The following UTY variants were observed in gnomAD, a reference collection of about 807,000 sequenced individuals.
UTY encodes ubiquitously transcribed tetratricopeptide repeat containing, Y-linked, also known as histone demethylase UTY.
UTY carries 12 observed loss-of-function variants against 32.5 expected under a neutral mutation model. That is an observed-to-expected ratio of 0.37 (90% CI 0.24 to 0.60). UTY has a LOEUF of 0.60. Among genes scored for constraint, UTY ranks in the 20% least tolerant of loss-of-function variants. UTY has a pLI of 0.69. For synonymous variants in UTY, 131 were observed against 103.4 expected, an observed-to-expected ratio of 1.27 and a Z score of -1.62; for missense variants, 303 against 299.2, an observed-to-expected ratio of 1.01 and a Z score of -0.09.
chrY:13,448,968 T>C, intron 4 of UTY, 49 bp downstream of exon 4: 1 of 312,718 alleles, frequency 3.2e-6, no homozygotes, highest in Non-Finnish European at 4.7e-6. Flanking sequence ...ATTTTGAGTA[T>C]GATCTGCCAT....
chrY:13,377,884 T>C, intron 8 of UTY, among the ~76,000 whole-genome samples: 1 of 33,450 alleles, frequency 3.0e-5, no homozygotes, highest in Non-Finnish European at 7.4e-5. Context: ...TAAAAATGTA[T>C]GTCAGGAACA....
chrY:13,279,825 G>A (rs2056906514), intron 27 of UTY, among the ~76,000 whole-genome samples: 2 of 33,225 alleles, frequency 6.0e-5, no homozygotes, highest in South Asian at 1.3e-3. Context: ...ACAACTGTAT[G>A]TAACATAACA....
At chrY:13,348,724 G>T (rs2062129191) in intron 17 of UTY, among the ~76,000 whole-genome samples, 4 of 33,932 alleles carry the variant, frequency 1.2e-4, no homozygotes, top group African/African-American at 2.3e-4. Context: ...TCCAGTGAAA[G>T]AATTAAGACA....
intron 15 of UTY, 121 bp downstream of exon 15, chrY:13,357,756 G>A: frequency 5.8e-6 from 1 of 172,309 alleles, no homozygotes; most frequent in South Asian, 4.6e-5. Flanking sequence ...GGAAAATGTG[G>A]GCTCGTTTTA....
chrY:13,272,603 G>A (rs2056376320), intron 27 of UTY, among the ~76,000 whole-genome samples: 1 of 33,844 alleles, frequency 3.0e-5, no homozygotes, highest in Non-Finnish European at 7.3e-5. Flanking sequence ...CATAACGAAC[G>A]AAAGTACATT....
At chrY:13,457,852 TA>T (rs2076897233) in intron 3 of UTY, among the ~76,000 whole-genome samples, 1 of 33,498 alleles carries the variant, frequency 3.0e-5, no homozygotes. Context: ...TCCTGAGTAC[TA>T]TTAACATCAT....
At chrY:13,448,455 C>T (rs2076085040) in intron 4 of UTY, among the ~76,000 whole-genome samples, 1 of 32,655 alleles carries the variant, frequency 3.1e-5, no homozygotes, top group Non-Finnish European at 7.5e-5. Context: ...TGGATTCCAT[C>T]AAAATTCGTC....
At chrY:13,442,119 G>T in intron 4 of UTY, among the ~76,000 whole-genome samples, 1 of 33,726 alleles carries the variant, frequency 3.0e-5, no homozygotes, top group Admixed American at 2.7e-4. Context: ...TTTATTAGAT[G>T]TACTATCTAC....
At chrY:13,294,018 C>A in intron 27 of UTY, among the ~76,000 whole-genome samples, 1 of 33,442 alleles carries the variant, frequency 3.0e-5, no homozygotes, top group Non-Finnish European at 7.4e-5. Flanking sequence ...CCACAGTAAT[C>A]CACAAATTCA....
At chrY:13,257,539 A>T (rs915647547) in intron 28 of UTY, among the ~76,000 whole-genome samples, 1 of 33,957 alleles carries the variant, frequency 2.9e-5, no homozygotes, top group Non-Finnish European at 7.3e-5. Flanking sequence ...TGTTATCAGC[A>T]GCTGAACAGC....
At chrY:13,347,404 C>G (rs1603427423) in intron 17 of UTY, among the ~76,000 whole-genome samples, 1 of 33,024 alleles carries the variant, frequency 3.0e-5, no homozygotes, top group Admixed American at 2.8e-4. Flanking sequence ...TCCCACCTCA[C>G]GTAGTTCTCG....
At chrY:13,311,897 G>A (rs2059123537) in intron 21 of UTY, among the ~76,000 whole-genome samples, 1 of 33,480 alleles carries the variant, frequency 3.0e-5, no homozygotes, top group Non-Finnish European at 7.4e-5. Flanking sequence ...TGGAGCTTCA[G>A]CACAGCAAAA....
chrY:13,258,806 C>T, intron 28 of UTY, among the ~76,000 whole-genome samples: 1 of 33,962 alleles, frequency 2.9e-5, no homozygotes, highest in African/African-American at 1.1e-4. Context: ...CTCACTGTGA[C>T]AAAGCTGCCC....
At chrY:13,416,921 C>A (rs2071758870) in intron 4 of UTY, among the ~76,000 whole-genome samples, 1 of 33,606 alleles carries the variant, frequency 3.0e-5, no homozygotes, top group Non-Finnish European at 7.4e-5. Flanking sequence ...ATTTACGAAA[C>A]CAATCAGAAA....
chrY:13,300,966 T>C (rs2058348566), intron 25 of UTY, among the ~76,000 whole-genome samples: 2 of 31,740 alleles, frequency 6.3e-5, no homozygotes, highest in Non-Finnish European at 1.5e-4. Flanking sequence ...CAATTTCAGC[T>C]CACTGCAACT....
intron 29 of UTY, among the ~76,000 whole-genome samples, 161 bp from the exon 30 acceptor site, chrY:13,250,043 A>G (rs772230674): frequency 3.3e-3 from 112 of 33,546 alleles, no homozygotes; most frequent in African/African-American, 0.012. Context: ...TTTTTGAGAC[A>G]GAGTTTTGCT....
chrY:13,408,424 G>A (rs2070380612), intron 6 of UTY, among the ~76,000 whole-genome samples: 1 of 32,127 alleles, frequency 3.1e-5, no homozygotes, highest in African/African-American at 1.2e-4. Flanking sequence ...TTGAAGCCTG[G>A]ACTTCCTATT....
chrY:13,269,593 AAAACAAAACAAAAC>A (rs2056126236), intron 27 of UTY, among the ~76,000 whole-genome samples: 1 of 31,773 alleles, frequency 3.1e-5, no homozygotes, highest in African/African-American at 1.3e-4. Flanking sequence ...AAAACAAAAC[AAAACAAAACAAAAC>A]AAAAAAAAAC....
intron 8 of UTY, among the ~76,000 whole-genome samples, chrY:13,391,345 A>G (rs2067540772): frequency 1.2e-4 from 4 of 33,622 alleles, no homozygotes; most frequent in Non-Finnish European, 3.0e-4. Context: ...TTATTTTAAT[A>G]TCTTCAACTG....
Sources: gnomAD v4.1 joint callset for allele counts (sites outside exome capture counted in the v4.1 genomes callset) on GRCh38, gnomAD v4.1.1 for gene constraint, MANE v1.5 for transcripts, NCBI Gene and HGNC (gene_info 2026-07-23, HGNC 2026-07-21) for gene names.